Variants in CCDC3 observed in about 807,000 individuals in gnomAD.
CCDC3 encodes coiled-coil domain containing 3.
CCDC3 carries 24 observed loss-of-function variants against 21.4 expected under a neutral mutation model. The ratio of observed to expected loss-of-function variants is 1.12; its 90% confidence interval spans 0.81 to 1.58. The LOEUF is 1.58. CCDC3 is among the 40% of genes most tolerant of loss of function. CCDC3 has a pLI of 0.00. For missense variants in CCDC3, 425 were observed against 360.9 expected (o/e 1.18, Z -1.44); for synonymous variants, 186 against 166.0 (o/e 1.12, Z -0.93).
intron 2 of CCDC3, among the ~76,000 whole-genome samples, chr10:12,907,990 G>T (rs920464642): frequency 1.3e-5 from 2 of 152,192 alleles, no homozygotes; most frequent in Non-Finnish European, 1.5e-5. Flanking sequence ...GAAGCAGGGG[G>T]ACAAGATCTT....
At chr10:13,060,676 T>A (rs989970648) in intron 4 of CCDC3, among the ~76,000 whole-genome samples, 7 of 152,128 alleles carry the variant, frequency 4.6e-5, no homozygotes, top group African/African-American at 1.4e-4. Context: ...GGCTAATTTT[T>A]AAATTTTTTG....
intron 2 of CCDC3, among the ~76,000 whole-genome samples, chr10:12,968,582 A>G (rs75069837): frequency 0.018 from 2,700 of 152,324 alleles, 49 homozygotes; most frequent in South Asian, 0.099. Context: ...TCAAATTCAG[A>G]ACAGTCTAAT....
chr10:12,965,103 T>C (rs892407321), intron 2 of CCDC3, among the ~76,000 whole-genome samples: 5 of 152,126 alleles, frequency 3.3e-5, no homozygotes, highest in African/African-American at 1.2e-4. Context: ...CCAAGGTTTG[T>C]CACAAGCTAT....
At position 13,001,199 on chromosome 10, in the gene CCDC3, G is replaced by C; in HGVS notation, c.372C>G (p.Leu124=). Residue 124 remains leucine, a splice_region_variant and synonymous_variant, in exon 1 of 3, where the codon CTC becomes CTG. Transcript: ENST00000378825. ...GGCGGCGGCGCCGCCGGGCTCACCTGAGGAAGAAGAAATAGGAGTAGTCCT... is the reference window on the plus strand; with the variant it reads ...GGCGGCGGCGCCGCCGGGCTCACCTCAGGAAGAAGAAATAGGAGTAGTCCT... ...VVQDYSYFFF[L]RMDENYNLLP... The C allele has an allele frequency of 1.3e-6, 2 of 1,552,756 alleles. No homozygotes were observed. Among genetic ancestry groups the C allele is most frequent in the Non-Finnish European group, 1.7e-6 (2 of 1,148,422 alleles).
At chr10:13,069,456 G>A (rs1446998238) in intron 4 of CCDC3, among the ~76,000 whole-genome samples, 1 of 152,086 alleles carries the variant, frequency 6.6e-6, no homozygotes, top group Non-Finnish European at 1.5e-5. Context: ...AAATTTCTGA[G>A]TCATTATTTT....
chr10:12,965,306 A>C (rs1490129092), intron 2 of CCDC3, among the ~76,000 whole-genome samples: 1 of 152,110 alleles, frequency 6.6e-6, no homozygotes, highest in African/African-American at 2.4e-5. Flanking sequence ...TTATCCTGTT[A>C]ATCTGCCTGT....
At chr10:13,072,874 T>C (rs11258172) in intron 4 of CCDC3, among the ~76,000 whole-genome samples, 1 of 145,756 alleles carries the variant, frequency 6.9e-6, no homozygotes, top group South Asian at 2.5e-4. Flanking sequence ...TTTCTTTTTT[T>C]TTTTTTTTTT....
At chr10:13,070,349 T>C (rs1266463855) in intron 4 of CCDC3, among the ~76,000 whole-genome samples, 2 of 152,242 alleles carry the variant, frequency 1.3e-5, no homozygotes, top group Non-Finnish European at 2.9e-5. Context: ...CCATTTTCTT[T>C]TGCAACAGCA....
At chr10:13,094,153 T>C (rs1339238666) in intron 3 of CCDC3, among the ~76,000 whole-genome samples, 1 of 152,164 alleles carries the variant, frequency 6.6e-6, no homozygotes, top group Non-Finnish European at 1.5e-5. Flanking sequence ...AAGTAATTAA[T>C]AAGCAGCATT....
At chr10:13,048,504 T>A (rs1018650824) in intron 5 of CCDC3, among the ~76,000 whole-genome samples, 14 of 152,178 alleles carry the variant, frequency 9.2e-5, no homozygotes, top group African/African-American at 3.4e-4. Context: ...GGTCCCAAGT[T>A]TTTATTCTCC....
chr10:12,984,946 T>C (rs1232471766), intron 2 of CCDC3, among the ~76,000 whole-genome samples: 5 of 152,164 alleles, frequency 3.3e-5, no homozygotes, highest in Non-Finnish European at 7.4e-5. Context: ...GGGTTTCTTT[T>C]GGGGGTTATA....
chr10:13,043,152 A>G (rs1258104280), intron 5 of CCDC3, among the ~76,000 whole-genome samples: 1 of 152,156 alleles, frequency 6.6e-6, no homozygotes, highest in African/African-American at 2.4e-5. Flanking sequence ...GGTTTGGGAC[A>G]CAAGTGATCC....
chr10:13,095,469 C>G (rs1392205298), intron 3 of CCDC3, among the ~76,000 whole-genome samples: 1 of 152,116 alleles, frequency 6.6e-6, no homozygotes, highest in Non-Finnish European at 1.5e-5. Context: ...ATGGGTCCAC[C>G]TCAGATCATC....
At chr10:13,075,780 G>T (rs1484877667) in intron 3 of CCDC3, among the ~76,000 whole-genome samples, 2 of 152,136 alleles carry the variant, frequency 1.3e-5, no homozygotes, top group Non-Finnish European at 1.5e-5. Flanking sequence ...GGGCATGGTG[G>T]CTCCACACCT....
intron 5 of CCDC3, among the ~76,000 whole-genome samples, chr10:13,014,673 T>G (rs905865425): frequency 2.6e-5 from 4 of 152,016 alleles, no homozygotes; most frequent in African/African-American, 7.2e-5. Context: ...ACTAAAGTAT[T>G]TGCAGATGAT....
chr10:12,998,245 G>A (rs1345993664), intron 2 of CCDC3, 93 bp downstream of exon 2: 1 of 1,390,046 alleles, frequency 7.2e-7, no homozygotes. Context: ...TGGGCTTTTG[G>A]AAGAGTATTC....
chr10:13,057,878 C>T, intron 4 of CCDC3: 1 of 458,402 alleles, frequency 2.2e-6, no homozygotes, highest in Admixed American at 2.8e-5. Context: ...GAGACTCTGT[C>T]TCAAAAAAAA....
intron 5 of CCDC3, among the ~76,000 whole-genome samples, chr10:13,018,326 T>A (rs1463859902): frequency 1.3e-5 from 2 of 151,984 alleles, no homozygotes; most frequent in Non-Finnish European, 2.9e-5. Flanking sequence ...AGCTGGGCCC[T>A]CTCAAGAGAA....
rs528390698 is a variant in CCDC3, at chr10:12,910,818, C to T, written c.550-12139G>A. 5.3e-5 allele frequency among the ~76,000 whole-genome samples: 8 copies of T among 152,106 alleles called. No individual in the cohort carries two copies. In the South Asian group the frequency reaches 1.5e-3, roughly 28 times the overall value. On this transcript the variant is annotated intron_variant, in intron 2 of 2. Coordinates refer to ENST00000378825, the MANE Select transcript of CCDC3 (RefSeq NM_031455.4). ...CCATGTTGGCCAAGCTGGTCTCAAACTCCTGACCTCCAATGATCCACCCAC... is the reference window on the plus strand; with the variant it reads ...CCATGTTGGCCAAGCTGGTCTCAAATTCCTGACCTCCAATGATCCACCCAC...
Sources: gnomAD v4.1 joint callset for allele counts (sites outside exome capture counted in the v4.1 genomes callset) on GRCh38, gnomAD v4.1.1 for gene constraint, MANE v1.5 for transcripts, NCBI Gene and HGNC (gene_info 2026-07-23, HGNC 2026-07-21) for gene names.